SLC24A2: variants seen among roughly 807,000 people sequenced by gnomAD.
SLC24A2 encodes the protein sodium/potassium/calcium exchanger 2.
In SLC24A2, 36 loss-of-function variants were observed where a neutral mutation model predicts 62.0. The ratio of observed to expected loss-of-function variants is 0.58; its 90% CI spans 0.44 to 0.77. The LOEUF is 0.77. SLC24A2 is among the 30% of genes least tolerant of loss of function. The probability of loss-of-function intolerance (pLI) is 0.00; values close to 1 mark genes in which losing one functional copy is unlikely to be tolerated. For missense variants in SLC24A2, 846 were observed against 817.9 expected (o/e 1.03, Z -0.42); for synonymous variants, 358 against 294.0 (o/e 1.22, Z -2.23).
At position 19,520,875 on chromosome 9, in the gene SLC24A2, T is replaced by C. The variant is rs1284667236; in HGVS notation, c.1736+19A>G. 1.9e-6 allele frequency: 3 copies of C among 1,613,114 alleles called. No homozygotes were observed. Among genetic ancestry groups the C allele is most frequent in the Non-Finnish European group, 1.7e-6 (2 of 1,179,220 alleles). ...CTGGTGGAGCTGGTGCACACCTTTG[T>C]AGAACTACCTCTACTCACCCTACAG... On this transcript the variant is annotated intron_variant, in intron 10 of 10. Transcript: ENST00000341998.
At chr9:20,219,189 G>T in the SLC24A2 span, among the ~76,000 whole-genome samples, 2 of 152,188 alleles carry the variant, frequency 1.3e-5, no homozygotes, top group African/African-American at 4.8e-5. Flanking sequence ...GTTAACACAT[G>T]TGGCAGAGGC....
chr9:19,653,353 A>AT (rs1409579275), intron 2 of SLC24A2, among the ~76,000 whole-genome samples: 3 of 152,070 alleles, frequency 2.0e-5, no homozygotes, highest in Admixed American at 6.6e-5. Flanking sequence ...TCCCTTCATA[A>AT]TCCTCTTGAG....
the SLC24A2 span, among the ~76,000 whole-genome samples, chr9:20,063,637 TATA>T: frequency 2.6e-5 from 4 of 151,864 alleles, no homozygotes; most frequent in Non-Finnish European, 4.4e-5. Context: ...AAACTTAAAG[TATA>T]ATAATAAAAA....
At chr9:20,035,366 C>T in the SLC24A2 span, among the ~76,000 whole-genome samples, 92,748 of 152,054 alleles carry the variant, frequency 0.61, 28,891 homozygotes, top group East Asian at 0.93. Context: ...TCATTTTGAA[C>T]TGTTGGAAAC....
At chr9:19,696,685 A>G (rs1220969939) in intron 2 of SLC24A2, among the ~76,000 whole-genome samples, 1 of 152,228 alleles carries the variant, frequency 6.6e-6, no homozygotes, top group Non-Finnish European at 1.5e-5. Flanking sequence ...AAAATATTGC[A>G]TCCAGGAAAA....
At chr9:19,571,434 A>T (rs908212290) in intron 7 of SLC24A2, among the ~76,000 whole-genome samples, 1 of 152,202 alleles carries the variant, frequency 6.6e-6, no homozygotes, top group Non-Finnish European at 1.5e-5. Flanking sequence ...CTGCTAGGTT[A>T]TATTGACTGT....
intron 7 of SLC24A2, among the ~76,000 whole-genome samples, chr9:19,563,709 T>TGTCGCCTAGGCTGGAGTGCAC (rs1563968510): frequency 5.0e-5 from 7 of 140,234 alleles, no homozygotes; most frequent in African/African-American, 2.2e-4. Flanking sequence ...TTACTTCCTT[T>TGTCGCCTAGGCTGGAGTGCAC]TCCAACAATC....
chr9:20,051,010 A>T, the SLC24A2 span, among the ~76,000 whole-genome samples: 3 of 152,190 alleles, frequency 2.0e-5, no homozygotes, highest in African/African-American at 7.2e-5. Flanking sequence ...GAAGGTACAT[A>T]GTGAGATGGT....
the SLC24A2 span, among the ~76,000 whole-genome samples, chr9:20,249,704 CAA>C: frequency 9.5e-4 from 73 of 76,546 alleles, no homozygotes; most frequent in East Asian, 0.014. Flanking sequence ...AACTCTGTCT[CAA>C]AAAAAAAAAA....
chr9:20,085,429 C>G, the SLC24A2 span, among the ~76,000 whole-genome samples: 5 of 152,122 alleles, frequency 3.3e-5, no homozygotes. Flanking sequence ...GATGTAAGAT[C>G]TAGAGGAAAG....
At chr9:20,101,923 C>G in the SLC24A2 span, among the ~76,000 whole-genome samples, 1 of 152,120 alleles carries the variant, frequency 6.6e-6, no homozygotes, top group Non-Finnish European at 1.5e-5. Flanking sequence ...TGACATGGGA[C>G]AAACACGTCT....
At chr9:19,771,166 T>C (rs1296243484) in intron 2 of SLC24A2, among the ~76,000 whole-genome samples, 3 of 152,236 alleles carry the variant, frequency 2.0e-5, no homozygotes, top group African/African-American at 7.2e-5. Context: ...TAACACTTAC[T>C]TGGGGCTTGT....
the SLC24A2 span, among the ~76,000 whole-genome samples, chr9:19,874,495 A>G: frequency 6.6e-6 from 1 of 152,204 alleles, no homozygotes. Flanking sequence ...CAAGATAAGG[A>G]GGTTGCTGTT....
the SLC24A2 span, among the ~76,000 whole-genome samples, chr9:20,119,915 C>T: frequency 6.6e-6 from 1 of 152,152 alleles, no homozygotes; most frequent in African/African-American, 2.4e-5. Context: ...CTTAGAGGAT[C>T]GGAACAACAC....
At chr9:20,121,898 T>C in the SLC24A2 span, among the ~76,000 whole-genome samples, 2 of 152,150 alleles carry the variant, frequency 1.3e-5, no homozygotes, top group Non-Finnish European at 2.9e-5. Flanking sequence ...TCCTTATACA[T>C]CTAGAGCTTT....
the SLC24A2 span, among the ~76,000 whole-genome samples, chr9:20,137,352 T>C: frequency 9.1e-4 from 138 of 152,322 alleles, no homozygotes; most frequent in Non-Finnish European, 1.9e-3. Context: ...CTAGGATTTT[T>C]ACAGGTCTAA....
the SLC24A2 span, among the ~76,000 whole-genome samples, chr9:19,820,058 C>CATATATAT: frequency 1.7e-4 from 6 of 34,642 alleles, no homozygotes; most frequent in South Asian, 2.0e-3. Context: ...TATATATACA[C>CATATATAT]ATATATATAT....
At chr9:20,002,159 TCAC>T in the SLC24A2 span, among the ~76,000 whole-genome samples, 1 of 152,092 alleles carries the variant, frequency 6.6e-6, no homozygotes, top group Non-Finnish European at 1.5e-5. Context: ...ATTCTGCTTG[TCAC>T]CACAAGATTT....
In SLC24A2 at chr9:19,567,462, C is replaced by T. The variant is rs556326035; in HGVS notation, c.1347+5889G>A. On this transcript the variant is annotated intron_variant, in intron 7 of 10. Coordinates refer to ENST00000341998, the MANE Select transcript of SLC24A2 (RefSeq NM_020344.4). ...TTGGGAGGCTGAGGCAGGAGAATGGCGTGAACCCGGGAGGCGGAGCTTGCA... is the reference window on the plus strand; with the variant it reads ...TTGGGAGGCTGAGGCAGGAGAATGGTGTGAACCCGGGAGGCGGAGCTTGCA... Among the ~76,000 whole-genome samples the T allele has an allele frequency of 1.2e-3, 170 of 146,056 alleles. 1 individual carries two copies. The highest frequency in any genetic ancestry group is 1.9e-3 in the African/African-American group (75 of 38,892).
Sources: allele counts gnomAD v4.1 joint callset (sites outside exome capture counted in the v4.1 genomes callset), GRCh38; gene constraint gnomAD v4.1.1; transcripts MANE v1.5; gene names NCBI Gene and HGNC (gene_info 2026-07-23, HGNC 2026-07-21).